TRIM37: variants seen among roughly 807,000 people sequenced by gnomAD.
TRIM37 encodes the protein tripartite motif containing 37.
TRIM37 carries 80 observed loss-of-function variants against 129.8 expected under a neutral mutation model. The ratio of observed to expected loss-of-function variants is 0.62; its 90% confidence interval spans 0.51 to 0.74. The LOEUF (loss-of-function observed/expected upper bound fraction) is 0.74, where lower values mean the gene tolerates loss of function less well. Ranked by LOEUF, TRIM37 falls within the 30% of genes least tolerant of loss-of-function variation. TRIM37 has a pLI of 0.00. For missense variants in TRIM37, 1,054 were observed against 1,176.5 expected, an observed-to-expected ratio of 0.90 and a Z score of 1.52; for synonymous variants, 389 against 387.1, an observed-to-expected ratio of 1.00 and a Z score of -0.06.
intron 24 of TRIM37, among the ~76,000 whole-genome samples, chr17:58,988,411 G>A (rs1268755163): frequency 6.6e-6 from 1 of 152,102 alleles, no homozygotes; most frequent in Non-Finnish European, 1.5e-5. Context: ...GGGAAAAGGA[G>A]CACAAATACT....
chr17:59,060,394 C>T (rs1393230146), intron 12 of TRIM37, among the ~76,000 whole-genome samples: 1 of 146,026 alleles, frequency 6.8e-6, no homozygotes, highest in Non-Finnish European at 1.5e-5. Context: ...TTCATGTTAG[C>T]TGAAAGCAGA....
At chr17:59,056,773 A>T (rs2040962977) in intron 13 of TRIM37, 102 bp downstream of exon 13, 4 of 599,018 alleles carry the variant, frequency 6.7e-6, no homozygotes, top group South Asian at 4.5e-5. Context: ...GTTAGTATGA[A>T]TTTCAATATT....
chr17:58,990,992 G>A (rs2032334105), intron 24 of TRIM37, among the ~76,000 whole-genome samples: 1 of 149,792 alleles, frequency 6.7e-6, no homozygotes, highest in Admixed American at 6.7e-5. Context: ...GGCTAACATG[G>A]TGAAACCCCA....
rs375437566 is a variant in TRIM37, at chr17:59,001,634, C to A, written c.2776G>T (p.Asp926Tyr). 1.1e-5 allele frequency: 18 copies of A among 1,613,876 alleles called. No homozygotes were observed. Among genetic ancestry groups the A allele is most frequent in the Non-Finnish European group, 1.4e-5 (17 of 1,179,990 alleles). Reference protein sequence around the residue: ...EEHTSVGGFHDSFMVMTQPPD... With the variant: ...EEHTSVGGFHYSFMVMTQPPD... ...GGCTGTGTCATGACCATGAAGGAGT[C>A]GTGAAACCCGCCCACACTGGTATGC... Residue 926 changes from aspartate (D) to tyrosine (Y), a missense_variant, in exon 23 of 24, where the codon GAC (aspartate) becomes TAC (tyrosine). By Grantham distance (160) the Asp-to-Tyr change is radical. Coordinates refer to ENST00000262294, the MANE Select transcript of TRIM37 (RefSeq NM_015294.6).
intron 24 of TRIM37, among the ~76,000 whole-genome samples, chr17:58,987,652 G>C (rs1277655750): frequency 2.0e-5 from 3 of 152,198 alleles, no homozygotes; most frequent in African/African-American, 7.2e-5. Context: ...ATGAGAGGTA[G>C]AATGAGGAGA....
chr17:58,967,282 A>T, the TRIM37 span, among the ~76,000 whole-genome samples: 1 of 152,206 alleles, frequency 6.6e-6, no homozygotes, highest in Non-Finnish European at 1.5e-5. Context: ...GTTTGACATA[A>T]ATGTTTTTAC....
chr17:59,022,065 A>G (rs567620113), intron 19 of TRIM37, among the ~76,000 whole-genome samples: 135 of 152,310 alleles, frequency 8.9e-4, no homozygotes, highest in African/African-American at 3.1e-3. Context: ...AGCAAATAAC[A>G]TATAGTTAAA....
chr17:59,008,591 G>T (rs180854266), intron 22 of TRIM37, among the ~76,000 whole-genome samples: 36 of 152,234 alleles, frequency 2.4e-4, no homozygotes, highest in Admixed American at 8.5e-4. Context: ...TGATAAATTG[G>T]AGGCTGAAAT....
intron 5 of TRIM37, among the ~76,000 whole-genome samples, chr17:59,081,948 A>AT (rs1568199609): frequency 3.8e-4 from 47 of 123,346 alleles, no homozygotes; most frequent in African/African-American, 1.5e-3. Context: ...AAAAAAAAAA[A>AT]AAAATAAAAA....
At chr17:59,043,038 C>T (rs565019880) in intron 16 of TRIM37, among the ~76,000 whole-genome samples, 8 of 151,790 alleles carry the variant, frequency 5.3e-5, no homozygotes, top group Non-Finnish European at 8.8e-5. Context: ...TTTTAACATC[C>T]AAAAAAAGCC....
chr17:59,041,835 A>T lies in TRIM37; in HGVS notation c.1731T>A (p.Asp577Glu), dbSNP rs1426171800. ...TACCTGCGGGTCCTGCAGCAGCTGC[A>T]TCTTCCATGAGTTCTCCCTCTTCTA... is the stretch of plus-strand genomic sequence containing the variant. ...MELEEGELME[D>E]AAAAGPAGSS... The change falls in exon 17 of 24, where the codon GAT (aspartate) becomes GAA (glutamate). Residue 577 changes from aspartate to glutamate, a missense_variant. Physicochemically the swap from Asp to Glu is conservative, Grantham distance 45. This residue lies in a region of TRIM37 where 752 missense variants were observed against 870.8 expected (regional missense o/e 0.86). Coordinates refer to ENST00000262294, the MANE Select transcript of TRIM37 (RefSeq NM_015294.6). The T allele has an allele frequency of 6.2e-6, 10 of 1,613,998 alleles. No individual in the cohort carries two copies. The highest frequency in any genetic ancestry group is 8.5e-6 in the Non-Finnish European group (10 of 1,179,912).
intron 19 of TRIM37, among the ~76,000 whole-genome samples, chr17:59,027,025 T>A (rs114534594): frequency 0.021 from 3,162 of 152,310 alleles, 43 homozygotes; most frequent in Middle Eastern, 0.044. Flanking sequence ...TGCTTCTCCA[T>A]TGAAACTCCC....
chr17:59,017,388 C>T lies in TRIM37; in HGVS notation c.2294G>A (p.Arg765Gln), dbSNP rs747598740. ...NKKSNSPKPA[R>Q]SSVAGSLSLR... ...TGATAGACTACCTGCTACACTGGAT[C>T]GAGCTGGCTTGGGCGAATTACTCTT... Residue 765 changes from arginine to glutamine, a missense_variant, in exon 20 of 24, where the codon CGA (arginine) becomes CAA (glutamine). Around this residue, in one of 3 missense-constraint regions of TRIM37, gnomAD observed 287 missense variants for 274.3 expected, o/e 1.05. Coordinates refer to ENST00000262294, the MANE Select transcript of TRIM37 (RefSeq NM_015294.6). 2.0e-5 allele frequency: 32 copies of T among 1,613,960 alleles called. No individual in the cohort carries two copies. Among genetic ancestry groups the T allele is most frequent in the African/African-American group, 5.3e-5 (4 of 74,894 alleles).
chr17:59,081,937 C>CAAAAAAAA (rs1157296161), intron 5 of TRIM37, among the ~76,000 whole-genome samples: 4 of 48,884 alleles, frequency 8.2e-5, no homozygotes, highest in East Asian at 4.8e-4. Context: ...TAATAAAAAC[C>CAAAAAAAA]AAAAAAAAAA....
At chr17:59,074,650 A>G (rs1014468584) in intron 8 of TRIM37, among the ~76,000 whole-genome samples, 2 of 152,232 alleles carry the variant, frequency 1.3e-5, no homozygotes, top group African/African-American at 4.8e-5. Flanking sequence ...CATAGGAATC[A>G]GGAAACATGA....
At chr17:59,065,345 ATT>A (rs2146603621) in intron 9 of TRIM37, among the ~76,000 whole-genome samples, 1 of 152,062 alleles carries the variant, frequency 6.6e-6, no homozygotes, top group East Asian at 1.9e-4. Flanking sequence ...CTTTGAAACT[ATT>A]TACTAGCAAA....
At chr17:58,996,814 G>T (rs924379664), downstream of TRIM37, among the ~76,000 whole-genome samples, 6 of 150,754 alleles carry the variant, frequency 4.0e-5, no homozygotes, top group South Asian at 4.2e-4. Flanking sequence ...GTGTGTGTGT[G>T]TGTGTGTATG....
At position 58,989,286 on chromosome 17, in the gene TRIM37, A is replaced by G. The variant is rs1028651162; in HGVS notation, c.2892-6365T>C. On this transcript the variant is annotated intron_variant, in intron 24 of 24. Coordinates refer to the TRIM37 transcript ENST00000393066. Reference sequence around the variant, plus strand: ...CCCCGTCTCTACTAAAAATACAAAAATCAGCCAGGCGTGGTGGTGCACACC... The same window carrying G: ...CCCCGTCTCTACTAAAAATACAAAAGTCAGCCAGGCGTGGTGGTGCACACC... Among the ~76,000 whole-genome samples, 11 of 152,136 alleles carry G rather than the reference A, an allele frequency of 7.2e-5. No homozygotes were observed. The South Asian group carries it at 1.9e-3, about 26-fold the overall frequency.
intron 13 of TRIM37, among the ~76,000 whole-genome samples, 184 bp from the exon 14 acceptor site, chr17:59,051,512 AG>A (rs2040342821): frequency 6.6e-6 from 1 of 152,238 alleles, no homozygotes; most frequent in Non-Finnish European, 1.5e-5. Context: ...CTGAAAAGCC[AG>A]TTGTCCTCAA....
Sources: gnomAD v4.1 joint callset for allele counts (sites outside exome capture counted in the v4.1 genomes callset) on GRCh38, gnomAD v4.1.1 for gene constraint, gnomAD v4.1.1 regional missense constraint, MANE v1.5 for transcripts, NCBI Gene and HGNC (gene_info 2026-07-23, HGNC 2026-07-21) for gene names.